LETM1: variants seen among roughly 807,000 people sequenced by gnomAD.
The protein encoded by LETM1 is mitochondrial proton/calcium exchanger protein.
LETM1 carries 50 observed loss-of-function variants against 74.5 expected under a neutral mutation model. The observed-to-expected ratio is 0.67, with a 90% confidence interval of 0.53 to 0.85. The LOEUF (loss-of-function observed/expected upper bound fraction) is 0.85, where lower values mean the gene tolerates loss of function less well. LETM1 is among the 40% of genes least tolerant of loss of function. The probability of loss-of-function intolerance (pLI) is 0.00; values close to 1 mark genes in which losing one functional copy is unlikely to be tolerated. For missense variants in LETM1, 824 were observed against 967.8 expected (o/e 0.85, Z 1.97); for synonymous variants, 446 against 407.1 (o/e 1.10, Z -1.15).
At chr4:1,842,441 C>A (rs542242743) in intron 2 of LETM1, among the ~76,000 whole-genome samples, 4 of 152,254 alleles carry the variant, frequency 2.6e-5, no homozygotes, top group South Asian at 2.1e-4. Context: ...CACCTGCCCC[C>A]CCGCCTGGAC....
chr4:1,821,909 C>T (rs1316142065), intron 10 of LETM1, among the ~76,000 whole-genome samples: 1 of 152,244 alleles, frequency 6.6e-6, no homozygotes, highest in Non-Finnish European at 1.5e-5. Context: ...GGCATCTCTA[C>T]CTGCCACACT....
chr4:1,831,786 CA>C (rs1471822241), intron 6 of LETM1, among the ~76,000 whole-genome samples: 1 of 152,264 alleles, frequency 6.6e-6, no homozygotes, highest in African/African-American at 2.4e-5. Flanking sequence ...AAGAGTTCAA[CA>C]CTGCCCTGAA....
rs200695986 is a variant in LETM1, at chr4:1,832,985, C to T, written c.877-38G>A. 1.5e-4 allele frequency: 245 copies of T among 1,598,612 alleles called. 1 individual carries two copies. In the East Asian group the frequency reaches 4.6e-3, roughly 30 times the overall value. On this transcript the variant is annotated intron_variant, in intron 5 of 13. Coordinates refer to ENST00000302787, the MANE Select transcript of LETM1 (RefSeq NM_012318.3). Reference sequence around the variant, plus strand: ...TCACAAGGGTCATCCCCGGGACACGCGCCCACCCGGCTCCCTCCCACGACC... The same window carrying T: ...TCACAAGGGTCATCCCCGGGACACGTGCCCACCCGGCTCCCTCCCACGACC...
At chr4:1,830,203 G>A (rs1712217321) in intron 6 of LETM1, among the ~76,000 whole-genome samples, 1 of 152,158 alleles carries the variant, frequency 6.6e-6, no homozygotes, top group Non-Finnish European at 1.5e-5. Context: ...TGTTCAAACA[G>A]GTAATTTCTA....
chr4:1,819,219 A>C, intron 11 of LETM1, 119 bp downstream of exon 11: 2 of 1,064,968 alleles, frequency 1.9e-6, no homozygotes, highest in South Asian at 1.6e-5. Flanking sequence ...TTTCCTCTCC[A>C]AATACTCTTT....
intron 1 of LETM1, among the ~76,000 whole-genome samples, chr4:1,849,978 A>G (rs1713012992): frequency 6.6e-6 from 1 of 152,166 alleles, no homozygotes; most frequent in African/African-American, 2.4e-5. Context: ...CCAGCGGTGA[A>G]ACCTCATCCC....
intron 9 of LETM1, 147 bp downstream of exon 9, chr4:1,822,841 C>G: frequency 1.2e-6 from 1 of 813,814 alleles, no homozygotes; most frequent in Admixed American, 4.3e-5. Context: ...GGCACCCTGC[C>G]TCCCTGACCA....
rs1713225682 is a variant in LETM1, at chr4:1,855,907, G to A, written c.44C>T (p.Ala15Val). Residue 15 changes from alanine to valine, a missense_variant, in exon 1 of 14, where the codon GCC becomes GTC. Transcript: ENST00000302787. ...GTACCGAGGCGGCGGCGGGAGGCGG[G>A]CGGGCGCCCGGCCGCGGCAGCTCCT... ...LLRSCRGRAP[A>V]RLPPPPRYTV... The A allele has an allele frequency of 8.1e-7, 1 of 1,238,596 alleles. No individual in the cohort carries two copies. Among genetic ancestry groups the A allele is most frequent in the East Asian group, 3.4e-5 (1 of 29,814 alleles). 76.7% of individuals were successfully genotyped at this position (1,238,596 alleles called of 1,614,324 possible). A position where few individuals can be genotyped will look rare whatever the true frequency, so the allele number is the denominator to read the frequency against.
intron 1 of LETM1, among the ~76,000 whole-genome samples, chr4:1,852,636 G>C (rs540708012): frequency 6.6e-6 from 1 of 152,292 alleles, no homozygotes; most frequent in African/African-American, 2.4e-5. Flanking sequence ...AATAACAGAA[G>C]ACACTCCCAA....
rs572632842 is a variant in LETM1 at position 1,825,630 on chromosome 4, C to T, written c.1134G>A (p.Ala378=). The T allele has an allele frequency of 8.7e-5, 141 of 1,614,088 alleles. 1 individual carries two copies. The highest frequency in any genetic ancestry group is 4.0e-4 in the African/African-American group (30 of 75,072). ...GGGCCCGCATGCCTCGTGCCCGACACGCTGCCTGCAGCTCCTTGACATTCA... is the reference window on the plus strand; with the variant it reads ...GGGCCCGCATGCCTCGTGCCCGACATGCTGCCTGCAGCTCCTTGACATTCA... ...DSLNVKELQA[A]CRARGMRALG... is the part of the protein sequence containing the mutation. Residue 378 remains alanine (A), a synonymous_variant, in exon 7 of 14, where the codon GCG becomes GCA. Transcript: ENST00000302787.
chr4:1,823,084 C>T lies in LETM1; in HGVS notation c.1380G>A (p.Val460=), dbSNP rs781135462. The T allele has an allele frequency of 6.2e-7, 1 of 1,609,872 alleles. No homozygotes were observed. Among genetic ancestry groups the T allele is most frequent in the Non-Finnish European group, 8.5e-7 (1 of 1,177,678 alleles). The change falls in exon 9 of 14, where the codon GTG becomes GTA. Residue 460 remains valine, a synonymous_variant. Transcript: ENST00000302787. ...VKVAEVEGEQ[V]DNKAKLEATL... ...TGGCCTCCAGCTTGGCCTTGTTGTC[C>T]ACCTGCTCGCCCTCCACCTCGGCCA...
chr4:1,830,695 C>A (rs1712235207), intron 6 of LETM1, among the ~76,000 whole-genome samples: 1 of 151,976 alleles, frequency 6.6e-6, no homozygotes. Flanking sequence ...CTTTCTTTGC[C>A]CAGATCTGTT....
chr4:1,835,488 A>AG (rs1712435065), intron 4 of LETM1, among the ~76,000 whole-genome samples: 2 of 146,822 alleles, frequency 1.4e-5, no homozygotes, highest in African/African-American at 5.5e-5. Context: ...AACAAACAAA[A>AG]ACAAACAAAC....
chr4:1,829,357 C>A (rs1267594207), intron 6 of LETM1, among the ~76,000 whole-genome samples: 8 of 151,604 alleles, frequency 5.3e-5, no homozygotes, highest in East Asian at 2.0e-4. Flanking sequence ...CTGACCCCCC[C>A]ACCTCCCTCC....
intron 10 of LETM1, among the ~76,000 whole-genome samples, chr4:1,821,700 G>C (rs964821684): frequency 6.6e-6 from 1 of 152,146 alleles, no homozygotes. Context: ...GGCGCCCCAG[G>C]TAGGCAGCAC....
intron 9 of LETM1, chr4:1,822,622 G>A (rs1326394819): frequency 1.2e-5 from 4 of 345,968 alleles, no homozygotes; most frequent in Non-Finnish European, 2.1e-5. Flanking sequence ...TGACCCAAGA[G>A]GACCACAGGG....
intron 9 of LETM1, chr4:1,822,691 C>T (rs1202741590): frequency 4.7e-5 from 17 of 358,692 alleles, no homozygotes; most frequent in Middle Eastern, 7.2e-4. Context: ...GCCAGCGCCC[C>T]TCACAGCAAG....
In LETM1 at chr4:1,849,145, T is replaced by C; in HGVS notation, c.143+4A>G. ...CAGGTGCAGAGTGATACTGATTTAC[T>C]CACAGGCAGTTCCTCAACCCCAGGG... On this transcript the variant is annotated splice_donor_region_variant and intron_variant, in intron 2 of 13. Coordinates refer to ENST00000302787, the MANE Select transcript of LETM1 (RefSeq NM_012318.3). The C allele has an allele frequency of 6.2e-7, 1 of 1,607,276 alleles. No individual in the cohort carries two copies. Among genetic ancestry groups the C allele is most frequent in the South Asian group, 1.1e-5 (1 of 90,946 alleles).
Position 1,834,971 on chromosome 4 carries a change from C to A in LETM1, c.750G>T (p.Leu250=). 1 of 1,614,024 alleles carries A rather than the reference C, an allele frequency of 6.2e-7. No individual in the cohort carries two copies. Residue 250 remains leucine (L), a synonymous_variant, in exon 5 of 14, where the codon CTG becomes CTT. Coordinates refer to ENST00000302787, the MANE Select transcript of LETM1 (RefSeq NM_012318.3). This position sits in a 1 kb window ranked among gnomAD's most constrained non-coding sequence, Gnocchi z 5.0. ...FETQSLKEER[L]KKELRVKLEL... is the part of the protein sequence containing the mutation. ...CCAGCTTGACCCGAAGCTCCTTCTT[C>A]AGCCTCTCCTCCTGCAAGGGCAGAG...
Sources: allele counts gnomAD v4.1 joint callset (sites outside exome capture counted in the v4.1 genomes callset), GRCh38; gene constraint gnomAD v4.1.1; non-coding constraint Gnocchi (gnomAD v3.1); transcripts MANE v1.5; gene names NCBI Gene and HGNC (gene_info 2026-07-23, HGNC 2026-07-21).